The following EIF4ENIF1 variants were observed in gnomAD, a reference collection of about 807,000 sequenced individuals.
The protein encoded by EIF4ENIF1 is eukaryotic translation initiation factor 4E transporter.
In EIF4ENIF1, 23 loss-of-function variants were observed where a neutral mutation model predicts 110.5. That is an observed-to-expected ratio of 0.21 (90% CI 0.15 to 0.29). EIF4ENIF1 has a LOEUF of 0.29. Ranked by LOEUF, EIF4ENIF1 falls within the 10% of genes least tolerant of loss-of-function variation. The probability of loss-of-function intolerance (pLI) is 1.00; values close to 1 mark genes in which losing one functional copy is unlikely to be tolerated. For synonymous variants in EIF4ENIF1, 440 were observed against 437.0 expected (o/e 1.01, Z -0.09); for missense variants, 1,031 against 1,221.1 (o/e 0.84, Z 2.32).
intron 2 of EIF4ENIF1, among the ~76,000 whole-genome samples, chr22:31,482,748 G>A (rs1381760401): frequency 6.6e-6 from 1 of 151,898 alleles, no homozygotes; most frequent in Non-Finnish European, 1.5e-5. Context: ...GTGAGGCCAG[G>A]CGTGGTGGCT....
At chr22:31,445,188 A>AG (rs1405193475) in intron 14 of EIF4ENIF1, among the ~76,000 whole-genome samples, 1 of 152,138 alleles carries the variant, frequency 6.6e-6, no homozygotes, top group African/African-American at 2.4e-5. Context: ...TGCGCTAGGG[A>AG]GGGCCTTCAT....
At chr22:31,442,319 C>T (rs891232281) in intron 16 of EIF4ENIF1, among the ~76,000 whole-genome samples, 5 of 152,208 alleles carry the variant, frequency 3.3e-5, no homozygotes, top group African/African-American at 1.2e-4. Flanking sequence ...CTTCTCTGCA[C>T]AAATGGCTGT....
In EIF4ENIF1 at chr22:31,449,506, C is replaced by G; in HGVS notation, c.1610G>C (p.Arg537Thr). ...ACTCAGAAGATTGGAAGAAGCAGGT[C>G]TCTGAACTGGTTGACCCAGAAGTTC... ...LQELLGQPVQ[R>T]PASSNLLSGL... is the part of the protein sequence containing the mutation. The change falls in exon 12 of 19, where the codon AGA becomes ACA. Residue 537 changes from arginine to threonine, a missense_variant. This residue lies in a region of EIF4ENIF1 where 704 missense variants were observed against 879.7 expected (regional missense o/e 0.80). Coordinates refer to ENST00000330125, the MANE Select transcript of EIF4ENIF1 (RefSeq NM_019843.4). The G allele has an allele frequency of 1.2e-6, 2 of 1,613,710 alleles. No homozygotes were observed. The highest frequency in any genetic ancestry group is 1.3e-5 in the African/African-American group (1 of 75,020).
At chr22:31,473,169 C>T (rs922938842) in intron 2 of EIF4ENIF1, among the ~76,000 whole-genome samples, 2 of 151,654 alleles carry the variant, frequency 1.3e-5, no homozygotes, top group Non-Finnish European at 2.9e-5. Flanking sequence ...TCCTTTACAG[C>T]CTGTTATCCA....
Position 31,447,675 on chromosome 22 carries a change from T to TA in EIF4ENIF1, c.1849-111dup, listed in dbSNP as rs1173819956. The TA allele has an allele frequency of 2.5e-6, 3 of 1,206,902 alleles. No homozygotes were observed. In the African/African-American group the frequency reaches 4.6e-5, roughly 18 times the overall value. 74.8% of individuals were successfully genotyped at this position (1,206,902 alleles called of 1,614,324 possible). A position where few individuals can be genotyped will look rare whatever the true frequency, so the allele number is the denominator to read the frequency against. On this transcript the variant is annotated intron_variant, in intron 13 of 18. Transcript: ENST00000330125. ...ATGTTAAGCAGAAGCTGAAAAAAAT[T>TA]AGATACTGCGAAACTGACTAGATTG... is the stretch of plus-strand genomic sequence containing the variant.
At chr22:31,463,608 T>C (rs1432314608) in intron 5 of EIF4ENIF1, 73 bp downstream of exon 5, 35 of 1,409,894 alleles carry the variant, frequency 2.5e-5, no homozygotes, top group Non-Finnish European at 3.3e-5. Context: ...ATCGTGCCAT[T>C]GCACTCCAGC....
intron 10 of EIF4ENIF1, among the ~76,000 whole-genome samples, chr22:31,451,602 C>T (rs1426272424): frequency 6.6e-6 from 1 of 151,914 alleles, no homozygotes; most frequent in East Asian, 1.9e-4. Flanking sequence ...CGAGCTGTTC[C>T]AAAATGGGTA....
At chr22:31,487,466 G>A (rs2052078733) in intron 2 of EIF4ENIF1, among the ~76,000 whole-genome samples, 1 of 152,142 alleles carries the variant, frequency 6.6e-6, no homozygotes, top group African/African-American at 2.4e-5. Context: ...TAACCAATCA[G>A]TATCCCAGGA....
At chr22:31,446,839 CTAACT>C (rs1741063531) in intron 14 of EIF4ENIF1, 2 of 284,790 alleles carry the variant, frequency 7.0e-6, no homozygotes, top group Non-Finnish European at 1.5e-5. Context: ...CCTTTTCTCC[CTAACT>C]TATGATTAAT....
chr22:31,488,655 G>A lies in EIF4ENIF1; in HGVS notation c.64C>T (p.Pro22Ser). ...TAGCGATGGGGGCATTTGGAGGCAG[G>A]AGGCTTCTTCAGGTCAAGGAAAGCA... is the stretch of plus-strand genomic sequence containing the variant. ...GDAFLDLKKP[P>S]ASKCPHRYTK... The change falls in exon 2 of 19, where the codon CCT (proline) becomes TCT (serine). Residue 22 changes from proline to serine, a missense_variant. By Grantham distance (74) the Pro-to-Ser change is moderately conservative. Coordinates refer to ENST00000330125, the MANE Select transcript of EIF4ENIF1 (RefSeq NM_019843.4). 3.7e-6 allele frequency: 6 copies of A among 1,613,984 alleles called. No individual in the cohort carries two copies. Among genetic ancestry groups the A allele is most frequent in the Non-Finnish European group, 5.1e-6 (6 of 1,179,966 alleles).
At chr22:31,480,496 G>A (rs372487975) in intron 2 of EIF4ENIF1, among the ~76,000 whole-genome samples, 5 of 152,184 alleles carry the variant, frequency 3.3e-5, no homozygotes, top group South Asian at 2.1e-4. Flanking sequence ...GGTGGCTCAC[G>A]CCTGTAATCC....
intron 7 of EIF4ENIF1, 26 bp downstream of exon 7, chr22:31,458,448 AT>A (rs11293411): frequency 0.93 from 1,395,747 of 1,494,210 alleles, 652,537 homozygotes; most frequent in East Asian, 0.99. Flanking sequence ...TTAACCACAC[AT>A]TTTTTAAGTG....
At chr22:31,479,596 A>G (rs2051733389) in intron 2 of EIF4ENIF1, 1 of 152,092 alleles carries the variant, frequency 6.6e-6, no homozygotes. Context: ...GGCTAAAGAC[A>G]GAATACTTGG....
intron 14 of EIF4ENIF1, chr22:31,447,061 G>C: frequency 2.2e-6 from 1 of 447,142 alleles, no homozygotes; most frequent in Non-Finnish European, 4.5e-6. Context: ...AAAATGAATG[G>C]TTTAACTGGT....
intron 17 of EIF4ENIF1, among the ~76,000 whole-genome samples, chr22:31,441,401 G>A (rs1241533412): frequency 3.3e-5 from 5 of 151,724 alleles, no homozygotes; most frequent in African/African-American, 1.2e-4. Context: ...TTATCCGGGT[G>A]TGGCGGCGTG....
At position 31,488,822 on chromosome 22, in the gene EIF4ENIF1, G is replaced by C. The variant is rs2052144691; in HGVS notation, c.-27-77C>G. Reference sequence around the variant, plus strand: ...AATCTTGGCTGTTTCTTCAGAAGCTGAAACTTTTTAATCTCTCAAAACAGC... The same window carrying C: ...AATCTTGGCTGTTTCTTCAGAAGCTCAAACTTTTTAATCTCTCAAAACAGC... On this transcript the variant is annotated intron_variant, in intron 1 of 18. Transcript: ENST00000330125. The C allele has an allele frequency of 4.7e-6, 7 of 1,475,652 alleles. No individual in the cohort carries two copies. In the South Asian group the frequency reaches 9.7e-5, roughly 20 times the overall value. The allele number at this position is 1,475,652 out of a possible 1,614,324, so 91.4% of individuals were successfully genotyped here. A position where few individuals can be genotyped will look rare whatever the true frequency, so the allele number is the denominator to read the frequency against.
chr22:31,485,164 C>T (rs5998001), intron 2 of EIF4ENIF1, among the ~76,000 whole-genome samples: 31 of 152,268 alleles, frequency 2.0e-4, no homozygotes, highest in African/African-American at 6.7e-4. Context: ...TTAACTAAAT[C>T]CTCTTAAGAG....
At chr22:31,456,256 C>T (rs1457694816) in intron 7 of EIF4ENIF1, among the ~76,000 whole-genome samples, 1 of 144,814 alleles carries the variant, frequency 6.9e-6, no homozygotes, top group Non-Finnish European at 1.5e-5. Context: ...CAGAGTCTCG[C>T]TCTGTCACCC....
chr22:31,463,761 C>T lies in EIF4ENIF1; in HGVS notation c.505G>A (p.Asp169Asn). 20 of 1,613,854 alleles carry T rather than the reference C, an allele frequency of 1.2e-5. No homozygotes were observed. Among genetic ancestry groups the T allele is most frequent in the Non-Finnish European group, 1.7e-5 (20 of 1,180,008 alleles). Residue 169 changes from aspartate (D) to asparagine (N), a missense_variant, in exon 5 of 19, where the codon GAT becomes AAT. Around this residue, in one of 3 missense-constraint regions of EIF4ENIF1, gnomAD observed 704 missense variants for 879.7 expected, o/e 0.80. Transcript: ENST00000330125. ...RIISARTFEKDHRLSDKDLRD... is the reference protein window; with the variant it reads ...RIISARTFEKNHRLSDKDLRD... ...AGGTCCTTATCGCTAAGACGGTGAT[C>T]CTTCTCAAAGGTCCGGGCAGAGATT...
Sources: gnomAD v4.1 joint callset for allele counts (sites outside exome capture counted in the v4.1 genomes callset) on GRCh38, gnomAD v4.1.1 for gene constraint, gnomAD v4.1.1 regional missense constraint, MANE v1.5 for transcripts, NCBI Gene and HGNC (gene_info 2026-07-23, HGNC 2026-07-21) for gene names.